Variants in ZNF81 observed in about 807,000 individuals in gnomAD.
ZNF81 encodes the protein zinc finger protein 81, also known as zinc finger protein 81 (HFZ20).
Under a neutral mutation model 32.3 loss-of-function variants are expected in ZNF81, and 5 were observed. The observed-to-expected ratio is 0.15, with a 90% CI of 0.08 to 0.33. The LOEUF (loss-of-function observed/expected upper bound fraction) is 0.33. Ranked by LOEUF, ZNF81 falls within the 10% of genes least tolerant of loss-of-function variation. The pLI is 1.00. For synonymous variants in ZNF81, 163 were observed against 166.8 expected, an observed-to-expected ratio of 0.98 and a Z score of 0.17; for missense variants, 379 against 479.8, an observed-to-expected ratio of 0.79 and a Z score of 1.96.
intron 2 of ZNF81, among the ~76,000 whole-genome samples, chrX:47,856,711 G>C (rs1212765938): frequency 9.0e-6 from 1 of 111,500 alleles, no homozygotes; most frequent in African/African-American, 3.3e-5. Flanking sequence ...TTGGGAGGCC[G>C]AGGCGGGTGG....
At chrX:47,854,652 G>C (rs782612153) in intron 2 of ZNF81, among the ~76,000 whole-genome samples, 1 of 111,588 alleles carries the variant, frequency 9.0e-6, no homozygotes, top group Non-Finnish European at 1.9e-5. Context: ...AGGAGAGGGA[G>C]AGACAGGGAA....
chrX:47,881,387 C>G (rs1164530501), intron 2 of ZNF81, among the ~76,000 whole-genome samples: 1 of 112,075 alleles, frequency 8.9e-6, no homozygotes, highest in African/African-American at 3.2e-5. Flanking sequence ...TTCCTACTTT[C>G]TCTAACAAAT....
intron 2 of ZNF81, among the ~76,000 whole-genome samples, chrX:47,853,707 G>T (rs1462104240): frequency 9.1e-6 from 1 of 110,442 alleles, no homozygotes; most frequent in Non-Finnish European, 1.9e-5. Context: ...CACCATGCCT[G>T]GCTAATTTTT....
At chrX:47,902,950 G>A (rs2058703990) in intron 4 of ZNF81, among the ~76,000 whole-genome samples, 1 of 111,862 alleles carries the variant, frequency 8.9e-6, no homozygotes, top group Non-Finnish European at 1.9e-5. Flanking sequence ...CAGAACCAAA[G>A]ACAAAAACCA....
At chrX:47,892,655 G>A (rs1263090179) in intron 3 of ZNF81, among the ~76,000 whole-genome samples, 6 of 112,203 alleles carry the variant, frequency 5.3e-5, no homozygotes. Context: ...TGCTTAGTGG[G>A]CCCATACCAA....
At chrX:47,902,159 A>G (rs781915728) in intron 4 of ZNF81, among the ~76,000 whole-genome samples, 1 of 111,453 alleles carries the variant, frequency 9.0e-6, no homozygotes, top group African/African-American at 3.3e-5. Context: ...TTTTTTCATT[A>G]ATACTTCTGT....
chrX:47,909,854 C>T (rs782110041), intron 4 of ZNF81, among the ~76,000 whole-genome samples: 173 of 103,624 alleles, frequency 1.7e-3, no homozygotes, highest in Middle Eastern at 9.9e-3. Context: ...TGAGAACATG[C>T]GGTGTTTGGT....
Position 47,920,815 on chromosome X carries a change from C to T in ZNF81, c.*4183C>T, listed in dbSNP as rs2058774156. 9.0e-6 allele frequency: 1 copy of T among 111,050 alleles called. No individual in the cohort carries two copies. Among genetic ancestry groups the T allele is most frequent in the Admixed American group, 9.6e-5 (1 of 10,461 alleles). The allele number at this position is 111,050 out of a possible 1,213,427, so 9.2% of individuals were successfully genotyped here. ...AGACCAACTACCCTTAGGTCTACAG[C>T]TCTCATGAGTCTCCCGCACTCAGCC... On this transcript the variant is annotated 3_prime_UTR_variant, in exon 5 of 5. Transcript: ENST00000338637.
At chrX:47,895,204 T>C (rs1556887014) in intron 3 of ZNF81, among the ~76,000 whole-genome samples, 1 of 111,025 alleles carries the variant, frequency 9.0e-6, no homozygotes, top group Non-Finnish European at 1.9e-5. Flanking sequence ...TATTTGGAAA[T>C]AGAGTCTTTG....
intron 1 of ZNF81, among the ~76,000 whole-genome samples, chrX:47,842,390 A>C (rs1018554275): frequency 1.8e-5 from 2 of 109,467 alleles, no homozygotes; most frequent in East Asian, 5.7e-4. Context: ...TGGCGGGGGG[A>C]GTCTGTTCCT....
intron 2 of ZNF81, among the ~76,000 whole-genome samples, chrX:47,871,919 A>G (rs781931745): frequency 1.8e-5 from 2 of 112,170 alleles, no homozygotes; most frequent in South Asian, 7.4e-4. Context: ...TTAAAATTCT[A>G]CTAGCAGCAC....
At chrX:47,894,287 A>T (rs1464392998) in intron 3 of ZNF81, among the ~76,000 whole-genome samples, 2 of 111,534 alleles carry the variant, frequency 1.8e-5, no homozygotes, top group Non-Finnish European at 3.8e-5. Context: ...CGTGGGGGAT[A>T]GTACAAGATG....
intron 4 of ZNF81, among the ~76,000 whole-genome samples, chrX:47,912,558 A>C (rs1171027584): frequency 9.3e-6 from 1 of 107,462 alleles, no homozygotes; most frequent in Non-Finnish European, 1.9e-5. Flanking sequence ...ATAGATTGTC[A>C]AATATAGTGA....
intron 3 of ZNF81, among the ~76,000 whole-genome samples, chrX:47,892,056 G>C (rs1266628618): frequency 9.0e-6 from 1 of 111,082 alleles, no homozygotes; most frequent in Non-Finnish European, 1.9e-5. Flanking sequence ...TTGTTCACTT[G>C]ACCTAGAATT....
intron 1 of ZNF81, among the ~76,000 whole-genome samples, chrX:47,843,121 T>C (rs1216022830): frequency 8.9e-6 from 1 of 111,886 alleles, no homozygotes; most frequent in Non-Finnish European, 1.9e-5. Flanking sequence ...GTATGGTTTC[T>C]ATGGTTTTAA....
intron 2 of ZNF81, among the ~76,000 whole-genome samples, chrX:47,882,714 G>A (rs1360830824): frequency 8.8e-6 from 1 of 113,170 alleles, no homozygotes; most frequent in African/African-American, 3.2e-5. Context: ...AACAAGGTCT[G>A]GCACAGTGGC....
At position 47,841,794 on chromosome X, in the gene ZNF81, T is replaced by G. The variant is rs183374710; in HGVS notation, c.-163-4311T>G. ...TCAAAAGACCAGCTATTGGATTTAT[T>G]TATTTTTTCTATTGTTTTTCTGTTT... On this transcript the variant is annotated intron_variant, in intron 1 of 4. Transcript: ENST00000338637. 1,450 of 383,423 alleles carry G rather than the reference T, an allele frequency of 3.8e-3. 3 individuals carry two copies. The highest frequency in any genetic ancestry group is 5.4e-3 in the Non-Finnish European group (1,216 of 225,783). 31.6% of individuals were successfully genotyped at this position (383,423 alleles called of 1,213,427 possible). A position where few individuals can be genotyped will look rare whatever the true frequency, so the allele number is the denominator to read the frequency against.
In ZNF81 at chrX:47,917,557, A is replaced by C; in HGVS notation, c.*925A>C. On this transcript the variant is annotated 3_prime_UTR_variant, in exon 5 of 5. Coordinates refer to ENST00000338637, the MANE Select transcript of ZNF81 (RefSeq NM_007137.5). ...GCTCTTTGCAAACCTGAAGAATCTCAAATTGCCCTACTCGGGGGTGAGGAG... is the reference window on the plus strand; with the variant it reads ...GCTCTTTGCAAACCTGAAGAATCTCCAATTGCCCTACTCGGGGGTGAGGAG... 4.1e-6 allele frequency: 1 copy of C among 242,137 alleles called. No homozygotes were observed. Among genetic ancestry groups the C allele is most frequent in the Non-Finnish European group, 7.4e-6 (1 of 135,069 alleles). 20.0% of individuals were successfully genotyped at this position (242,137 alleles called of 1,213,427 possible).
At chrX:47,881,807 ACT>A (rs1437154818) in intron 2 of ZNF81, among the ~76,000 whole-genome samples, 1 of 109,656 alleles carries the variant, frequency 9.1e-6, no homozygotes, top group Admixed American at 9.6e-5. Context: ...TCAGGGTCTC[ACT>A]CTGTCACTCA....
Sources: allele counts gnomAD v4.1 joint callset (sites outside exome capture counted in the v4.1 genomes callset), GRCh38; gene constraint gnomAD v4.1.1; transcripts MANE v1.5; gene names NCBI Gene and HGNC (gene_info 2026-07-23, HGNC 2026-07-21).